Variants in KMO observed in about 807,000 individuals in gnomAD.
The protein encoded by KMO is kynurenine 3-monooxygenase.
A neutral mutation model predicts 57.8 loss-of-function variants in KMO; 24 were observed. The ratio of observed to expected loss-of-function variants is 0.42; its 90% CI spans 0.30 to 0.58. The LOEUF is 0.58. Among genes scored for constraint, KMO ranks in the 20% least tolerant of loss-of-function variants. The probability of loss-of-function intolerance (pLI) is 0.22; values close to 1 mark genes in which losing one functional copy is unlikely to be tolerated. For synonymous variants in KMO, 210 were observed against 193.6 expected (o/e 1.08, Z -0.70); for missense variants, 483 against 588.2 (o/e 0.82, Z 1.85).
At chr1:241,578,264 G>A (rs1051878531) in intron 10 of KMO, among the ~76,000 whole-genome samples, 1 of 152,080 alleles carries the variant, frequency 6.6e-6, no homozygotes, top group Non-Finnish European at 1.5e-5. Flanking sequence ...TTGACTATTG[G>A]GTTAGAACTG....
chr1:241,586,162 A>T (rs1662970602), intron 10 of KMO, among the ~76,000 whole-genome samples: 1 of 150,670 alleles, frequency 6.6e-6, no homozygotes, highest in Non-Finnish European at 1.5e-5. Flanking sequence ...TTGGACAAAG[A>T]TAACACTGCC....
At chr1:241,588,856 C>T in intron 12 of KMO, 26 bp downstream of exon 12, 1 of 1,505,356 alleles carries the variant, frequency 6.6e-7, no homozygotes, top group Non-Finnish European at 9.2e-7. Context: ...TGGCTTTATT[C>T]CATGAGATGG....
intron 9 of KMO, among the ~76,000 whole-genome samples, chr1:241,567,828 A>G (rs1435840568): frequency 1.3e-5 from 2 of 152,204 alleles, no homozygotes; most frequent in Non-Finnish European, 2.9e-5. Flanking sequence ...AACTGGTTTC[A>G]TGGCTATCTT....
chr1:241,559,386 G>A (rs1474518971), intron 5 of KMO, among the ~76,000 whole-genome samples: 3 of 151,960 alleles, frequency 2.0e-5, no homozygotes, highest in South Asian at 2.1e-4. Context: ...CAGGAGTAAC[G>A]TTCTACAAAA....
At chr1:241,548,979 G>A (rs759078537) in intron 2 of KMO, 81 bp downstream of exon 2, 31 of 874,344 alleles carry the variant, frequency 3.5e-5, no homozygotes, top group Admixed American at 1.1e-4. Flanking sequence ...CACATGGATC[G>A]CTTGAGGCCG....
chr1:241,590,243 C>T lies in KMO; in HGVS notation c.1240C>T (p.Arg414Cys), dbSNP rs778615075. The T allele has an allele frequency of 2.5e-6, 4 of 1,613,542 alleles. No individual in the cohort carries two copies. Among genetic ancestry groups the T allele is most frequent in the South Asian group, 1.1e-5 (1 of 91,048 alleles). ...AATAAGATACCATGAGGCTGTGCAG[C>T]GTTGGCATTGGCAAAAAAAGGTTGG... is the stretch of plus-strand genomic sequence containing the variant. ...SRIRYHEAVQ[R>C]WHWQKKVINK... Residue 414 changes from arginine (R) to cysteine (C), a missense_variant, in exon 14 of 15, where the codon CGT (arginine) becomes TGT (cysteine). Transcript: ENST00000366559.
intron 10 of KMO, among the ~76,000 whole-genome samples, chr1:241,578,917 C>T (rs566974094): frequency 6.6e-6 from 1 of 152,110 alleles, no homozygotes; most frequent in Admixed American, 6.5e-5. Context: ...AGAGTGAGAG[C>T]CAAGTGAAAG....
chr1:241,581,929 C>T (rs2147979085), intron 10 of KMO, among the ~76,000 whole-genome samples: 1 of 151,974 alleles, frequency 6.6e-6, no homozygotes, highest in African/African-American at 2.4e-5. Flanking sequence ...TGAAGATCTC[C>T]CTTGAGTATT....
intron 5 of KMO, among the ~76,000 whole-genome samples, chr1:241,557,426 A>G (rs1661679606): frequency 6.6e-6 from 1 of 152,170 alleles, no homozygotes; most frequent in African/African-American, 2.4e-5. Context: ...TACATGATTT[A>G]TCTTTGTTTC....
rs112192003 is a variant in KMO at position 241,592,391 on chromosome 1, A to G, written c.*238A>G. On this transcript the variant is annotated 3_prime_UTR_variant, in exon 15 of 15. Coordinates refer to ENST00000366559, the MANE Select transcript of KMO (RefSeq NM_003679.5). ...ACACTCAGGTTGAGTCATTCTAACT[A>G]TAAAAGTGCAATGACTAAGATCCTT... 2.5e-3 allele frequency: 1,258 copies of G among 512,186 alleles called. 10 individuals are homozygous for G. Among genetic ancestry groups the G allele is most frequent in the African/African-American group, 0.022 (1,141 of 52,170 alleles). The allele number at this position is 512,186 out of a possible 1,614,324, so 31.7% of individuals were successfully genotyped here. A position where few individuals can be genotyped will look rare whatever the true frequency, so the allele number is the denominator to read the frequency against.
chr1:241,537,153 T>C (rs761641057), intron 1 of KMO, among the ~76,000 whole-genome samples: 1 of 152,170 alleles, frequency 6.6e-6, no homozygotes, highest in Non-Finnish European at 1.5e-5. Flanking sequence ...GGGTCTCAGT[T>C]TCTTCCTCTT....
chr1:241,573,765 C>A lies in KMO; in HGVS notation c.957+5118C>A, dbSNP rs79337538. Among the ~76,000 whole-genome samples the A allele has an allele frequency of 5.0e-4, 76 of 151,966 alleles. No homozygotes were observed. The East Asian group carries it at 0.014, about 27-fold the overall frequency. On this transcript the variant is annotated intron_variant, in intron 10 of 14. Transcript: ENST00000366559. The stretch of plus-strand genomic sequence containing the variant: ...GGGCTCATTTTTTGTCCCCTATGAG[C>A]CTTAGAATTGTTTTTGTTTTTTTCT...
At chr1:241,563,009 A>G (rs928072769) in intron 7 of KMO, among the ~76,000 whole-genome samples, 1 of 152,228 alleles carries the variant, frequency 6.6e-6, no homozygotes, top group Non-Finnish European at 1.5e-5. Flanking sequence ...AAGGATTTAA[A>G]TAATATCGTT....
intron 10 of KMO, among the ~76,000 whole-genome samples, chr1:241,571,864 CTTTTTTTTTT>C (rs34450394): frequency 1.0e-4 from 10 of 96,490 alleles, no homozygotes; most frequent in Non-Finnish European, 2.0e-5. Context: ...ATATTAGTTC[CTTTTTTTTTT>C]TTTTTTTTTT....
intron 1 of KMO, among the ~76,000 whole-genome samples, chr1:241,542,822 G>C (rs1300414259): frequency 6.6e-6 from 1 of 152,090 alleles, no homozygotes; most frequent in Non-Finnish European, 1.5e-5. Context: ...TTCTGTCTTA[G>C]TCCTTCCTGC....
At chr1:241,562,503 G>A (rs1479127557) in intron 7 of KMO, among the ~76,000 whole-genome samples, 171 bp downstream of exon 7, 1 of 152,184 alleles carries the variant, frequency 6.6e-6, no homozygotes, top group Non-Finnish European at 1.5e-5. Context: ...TTAACAGCAC[G>A]ATTCTCAGTC....
In KMO at chr1:241,594,211, G is replaced by T. The variant is rs1663423399; in HGVS notation, c.*2058G>T. The T allele has an allele frequency of 4.4e-6, 2 of 459,700 alleles. No individual in the cohort carries two copies. The highest frequency in any genetic ancestry group is 5.4e-5 in the South Asian group (1 of 18,606). 28.5% of individuals were successfully genotyped at this position (459,700 alleles called of 1,614,324 possible). A position where few individuals can be genotyped will look rare whatever the true frequency, so the allele number is the denominator to read the frequency against. The stretch of plus-strand genomic sequence containing the variant: ...AGATGCCCATCGTGTGCCACAAGTG[G>T]TTTTTTCATTATGTAAAGCACCCGT... On this transcript the variant is annotated 3_prime_UTR_variant, in exon 15 of 15. Transcript: ENST00000366559.
chr1:241,577,960 C>T (rs72768012), intron 10 of KMO, among the ~76,000 whole-genome samples: 1 of 152,150 alleles, frequency 6.6e-6, no homozygotes, highest in African/African-American at 2.4e-5. Flanking sequence ...CCAGATACAT[C>T]CCTGACCCAG....
intron 1 of KMO, among the ~76,000 whole-genome samples, chr1:241,537,506 T>C (rs3014572): frequency 0.32 from 49,231 of 152,116 alleles, 9,162 homozygotes; most frequent in African/African-American, 0.52. Flanking sequence ...AAGCTCTATT[T>C]GCTCTACTCT....
Sources: gnomAD v4.1 joint callset for allele counts (sites outside exome capture counted in the v4.1 genomes callset) on GRCh38, gnomAD v4.1.1 for gene constraint, MANE v1.5 for transcripts, NCBI Gene and HGNC (gene_info 2026-07-23, HGNC 2026-07-21) for gene names.